The following ITPR2 variants were observed in gnomAD, a reference collection of about 807,000 sequenced individuals.
ITPR2 encodes the protein inositol 1,4,5-trisphosphate-gated calcium channel ITPR2.
Under a neutral mutation model 317.1 loss-of-function variants are expected in ITPR2, and 207 were observed. The observed-to-expected ratio is 0.65, with a 90% confidence interval of 0.58 to 0.73. The LOEUF (loss-of-function observed/expected upper bound fraction) is 0.73, where lower values mean the gene tolerates loss of function less well. Ranked by LOEUF, ITPR2 falls within the 30% of genes least tolerant of loss-of-function variation. The pLI is 0.00. For synonymous variants in ITPR2, 1,156 were observed against 1,149.1 expected, an observed-to-expected ratio of 1.01 and a Z score of -0.12; for missense variants, 2,613 against 3,284.0, an observed-to-expected ratio of 0.80 and a Z score of 4.99.
intron 2 of ITPR2, among the ~76,000 whole-genome samples, chr12:26,750,996 A>G (rs1949404105): frequency 6.6e-6 from 1 of 152,196 alleles, no homozygotes; most frequent in African/African-American, 2.4e-5. Flanking sequence ...CCAAGCAACG[A>G]AAACGGCTGA....
intron 1 of ITPR2, among the ~76,000 whole-genome samples, chr12:26,799,393 T>C (rs1453674172): frequency 6.6e-6 from 1 of 152,240 alleles, no homozygotes; most frequent in African/African-American, 2.4e-5. Context: ...GGGTATCACA[T>C]GACTACAAGG....
intron 54 of ITPR2, among the ~76,000 whole-genome samples, chr12:26,387,945 G>C (rs907447183): frequency 6.6e-6 from 1 of 152,012 alleles, no homozygotes; most frequent in Non-Finnish European, 1.5e-5. Flanking sequence ...GATCATGCAG[G>C]AAAAGGTATG....
intron 45 of ITPR2, among the ~76,000 whole-genome samples, chr12:26,455,422 C>T (rs1591799888): frequency 6.9e-6 from 1 of 145,692 alleles, no homozygotes; most frequent in East Asian, 2.1e-4. Context: ...AATTACTGCT[C>T]AAATGAACTG....
intron 55 of ITPR2, among the ~76,000 whole-genome samples, chr12:26,348,219 C>T (rs1278716546): frequency 6.6e-6 from 1 of 152,206 alleles, no homozygotes; most frequent in East Asian, 1.9e-4. Context: ...ACACAAGTCA[C>T]GCTGCTACTG....
chr12:26,816,586 C>T (rs907013575), intron 1 of ITPR2, among the ~76,000 whole-genome samples: 1 of 152,166 alleles, frequency 6.6e-6, no homozygotes, highest in African/African-American at 2.4e-5. Context: ...TTAGCAAAGC[C>T]AGACATAGTC....
intron 55 of ITPR2, 140 bp downstream of exon 55, chr12:26,387,294 T>C (rs1939694923): frequency 2.5e-6 from 2 of 794,346 alleles, no homozygotes; most frequent in Non-Finnish European, 4.0e-6. Flanking sequence ...TAGATGTTCT[T>C]CAGTGATTGA....
intron 39 of ITPR2, among the ~76,000 whole-genome samples, chr12:26,488,478 A>G (rs1942723412): frequency 6.6e-6 from 1 of 151,836 alleles, no homozygotes; most frequent in South Asian, 2.1e-4. Flanking sequence ...CCTACTCTGC[A>G]ATTTTCTCTG....
chr12:26,706,055 C>G (rs1231650822), intron 9 of ITPR2, among the ~76,000 whole-genome samples: 3 of 152,174 alleles, frequency 2.0e-5, no homozygotes, highest in Non-Finnish European at 2.9e-5. Context: ...GCCTCACTGC[C>G]TCTAGATTCA....
chr12:26,472,491 T>TA (rs1366596928), intron 45 of ITPR2, among the ~76,000 whole-genome samples: 19 of 147,724 alleles, frequency 1.3e-4, no homozygotes, highest in East Asian at 3.9e-4. Flanking sequence ...CTGGGAAGTT[T>TA]AAAAAAAAAA....
chr12:26,828,665 C>T (rs560311284), intron 1 of ITPR2, among the ~76,000 whole-genome samples: 3 of 152,184 alleles, frequency 2.0e-5, no homozygotes, highest in East Asian at 3.9e-4. Flanking sequence ...TTTTTCACCC[C>T]GAATTTTAGG....
chr12:26,664,302 T>G (rs1947569294), intron 14 of ITPR2, among the ~76,000 whole-genome samples: 1 of 149,852 alleles, frequency 6.7e-6, no homozygotes, highest in African/African-American at 2.5e-5. Context: ...TTCCAAACAT[T>G]GCTTCTAAAC....
Position 26,567,994 on chromosome 12 carries a change from ATATTATATATAT to A in ITPR2, c.4631-6054_4631-6043del, listed in dbSNP as rs1945043606. ...TTATATATATTATATATATATATAT[ATATTATATATAT>A]TATATATATATATATATATATATAT... On this transcript the variant is annotated intron_variant, in intron 34 of 56. Coordinates refer to ENST00000381340, the MANE Select transcript of ITPR2 (RefSeq NM_002223.4). Among the ~76,000 whole-genome samples, 9 of 5,366 alleles carry A rather than the reference ATATTATATATAT, an allele frequency of 1.7e-3. 1 individual carries two copies. Among genetic ancestry groups the A allele is most frequent in the African/African-American group, 4.2e-3 (9 of 2,160 alleles). 3.5% of individuals were successfully genotyped at this position (5,366 alleles called of 152,430 possible).
Position 26,715,282 on chromosome 12 carries a change from A to C in ITPR2, c.855+17T>G, listed in dbSNP as rs766748118. On this transcript the variant is annotated intron_variant, in intron 8 of 56. Coordinates refer to ENST00000381340, the MANE Select transcript of ITPR2 (RefSeq NM_002223.4). ...TTGATCTAAATATTTATTAAGTGCC[A>C]AAAAACATTTACATACCTCTATTTC... The C allele has an allele frequency of 6.3e-7, 1 of 1,598,308 alleles. No homozygotes were observed. The highest frequency in any genetic ancestry group is 8.5e-7 in the Non-Finnish European group (1 of 1,172,834).
chr12:26,604,034 A>G (rs1264033177), intron 26 of ITPR2, among the ~76,000 whole-genome samples: 1 of 152,210 alleles, frequency 6.6e-6, no homozygotes, highest in Non-Finnish European at 1.5e-5. Flanking sequence ...AGCTCAGGAA[A>G]AAGTTACAAA....
At chr12:26,734,340 A>G (rs1949079456) in intron 2 of ITPR2, among the ~76,000 whole-genome samples, 1 of 152,236 alleles carries the variant, frequency 6.6e-6, no homozygotes, top group Non-Finnish European at 1.5e-5. Context: ...ATAATGTGAC[A>G]GTCCACGTTC....
chr12:26,719,839 C>G (rs1948804200), intron 5 of ITPR2, among the ~76,000 whole-genome samples: 1 of 152,030 alleles, frequency 6.6e-6, no homozygotes, highest in African/African-American at 2.4e-5. Flanking sequence ...TTTCTTTTTT[C>G]AAGAGTTAAA....
At position 26,582,303 on chromosome 12, in the gene ITPR2, T is replaced by C. The variant is rs1945423318; in HGVS notation, c.4381-2148A>G. On this transcript the variant is annotated intron_variant, in intron 32 of 56. Transcript: ENST00000381340. ...CTTTATTTTCTTTTATTTTAATTTA[T>C]TTTCTCTTTACAATAGATTGGCCAT... 2.0e-5 allele frequency among the ~76,000 whole-genome samples: 3 copies of C among 152,190 alleles called. No individual in the cohort carries two copies. The South Asian group carries it at 6.2e-4, about 31-fold the overall frequency.
intron 5 of ITPR2, 97 bp downstream of exon 5, chr12:26,722,300 C>T: frequency 9.2e-7 from 1 of 1,090,410 alleles, no homozygotes. Flanking sequence ...TGAGTAAAAA[C>T]TATATTTTCT....
chr12:26,809,529 A>G lies in ITPR2; in HGVS notation c.93-19302T>C, dbSNP rs567156828. ...CTAGGAACAGGCAATCTCATTTGAC[A>G]TTTTGGTAAGATTTTACCAATTCTC... On this transcript the variant is annotated intron_variant, in intron 1 of 56. Coordinates refer to ENST00000381340, the MANE Select transcript of ITPR2 (RefSeq NM_002223.4). Among the ~76,000 whole-genome samples the G allele has an allele frequency of 5.3e-5, 8 of 152,342 alleles. No individual in the cohort carries two copies. The South Asian group carries it at 1.7e-3, about 32-fold the overall frequency.
Sources: gnomAD v4.1 joint callset for allele counts (sites outside exome capture counted in the v4.1 genomes callset) on GRCh38, gnomAD v4.1.1 for gene constraint, MANE v1.5 for transcripts, NCBI Gene and HGNC (gene_info 2026-07-23, HGNC 2026-07-21) for gene names.